The following TENM3 variants were observed in gnomAD, a reference collection of about 807,000 sequenced individuals.
TENM3 encodes the protein teneurin-3.
In TENM3, 63 loss-of-function variants were observed where a neutral mutation model predicts 255.1. That is an observed-to-expected ratio of 0.25 (90% CI 0.20 to 0.30). The LOEUF (loss-of-function observed/expected upper bound fraction) is 0.30, where lower values mean the gene tolerates loss of function less well. Ranked by LOEUF, TENM3 falls within the 10% of genes least tolerant of loss-of-function variation. The pLI, the probability that TENM3 is intolerant of heterozygous loss-of-function variation, is 1.00. For synonymous variants in TENM3, 1,306 were observed against 1,322.3 expected (o/e 0.99, Z 0.27); for missense variants, 2,929 against 3,461.1 (o/e 0.85, Z 3.86).
At chr4:181,767,272 G>A in the TENM3 span, among the ~76,000 whole-genome samples, 411 of 125,850 alleles carry the variant, frequency 3.3e-3, 1 homozygote, top group Middle Eastern at 0.021. Context: ...AAAAAAAAAA[G>A]AAAGAAAACA....
the TENM3 span, among the ~76,000 whole-genome samples, chr4:181,713,734 A>G: frequency 6.6e-6 from 1 of 152,204 alleles, no homozygotes; most frequent in African/African-American, 2.4e-5. Flanking sequence ...TCAGAATTCA[A>G]TTATTCCCTA....
intron 3 of TENM3, among the ~76,000 whole-genome samples, chr4:182,515,255 C>T (rs1737819022): frequency 1.3e-5 from 2 of 152,070 alleles, no homozygotes; most frequent in South Asian, 2.1e-4. Flanking sequence ...ATGTGGGTGA[C>T]AGTCACTAAG....
chr4:182,800,178 G>A lies in TENM3; in HGVS notation c.7927G>A (p.Gly2643Ser), dbSNP rs1463146807. Residue 2643 changes from glycine to serine, a missense_variant, in exon 28 of 28, where the codon GGC (glycine) becomes AGC (serine). Gly to Ser is a moderately conservative substitution (Grantham distance 56, BLOSUM62 0). Transcript: ENST00000511685. ...GCGCGAGCAGCAGCGCGTGCGCGAC[G>A]GCGAGGAGGGCGCGCGCCTCTGGAC... is the stretch of plus-strand genomic sequence containing the variant. ...WAREQQRVRD[G>S]EEGARLWTEG... is the part of the protein sequence containing the mutation. The A allele has an allele frequency of 2.0e-6, 3 of 1,527,576 alleles. No homozygotes were observed. The highest frequency in any genetic ancestry group is 2.6e-6 in the Non-Finnish European group (3 of 1,146,556). The allele number at this position is 1,527,576 out of a possible 1,614,324, so 94.6% of individuals were successfully genotyped here. A position where few individuals can be genotyped will look rare whatever the true frequency, so the allele number is the denominator to read the frequency against.
intron 3 of TENM3, among the ~76,000 whole-genome samples, chr4:182,371,285 T>C (rs1228943770): frequency 6.6e-6 from 1 of 151,468 alleles, no homozygotes; most frequent in African/African-American, 2.4e-5. Flanking sequence ...TTTAATGCAC[T>C]GTTGATGTTG....
chr4:182,384,962 A>C (rs1767810095), intron 3 of TENM3, among the ~76,000 whole-genome samples: 1 of 152,172 alleles, frequency 6.6e-6, no homozygotes, highest in Non-Finnish European at 1.5e-5. Flanking sequence ...GTCTGGCCTC[A>C]GTGCTGGGGA....
chr4:181,801,671 T>TATATATATAC, the TENM3 span, among the ~76,000 whole-genome samples: 1 of 36,390 alleles, frequency 2.7e-5, no homozygotes, highest in Non-Finnish European at 6.8e-5. Context: ...TATATATATA[T>TATATATATAC]ATATATATAT....
chr4:182,653,942 T>C (rs756936242), intron 6 of TENM3, 49 bp downstream of exon 6: 2 of 1,525,920 alleles, frequency 1.3e-6, no homozygotes, highest in African/African-American at 2.8e-5. Context: ...ACATCCCTTT[T>C]CCATAAATTT....
At chr4:181,781,082 T>C in the TENM3 span, among the ~76,000 whole-genome samples, 1 of 152,170 alleles carries the variant, frequency 6.6e-6, no homozygotes, top group Non-Finnish European at 1.5e-5. Flanking sequence ...TACTTTTGGC[T>C]TAGGATTGAC....
chr4:181,514,020 A>G, the TENM3 span, among the ~76,000 whole-genome samples: 2 of 152,210 alleles, frequency 1.3e-5, no homozygotes, highest in African/African-American at 4.8e-5. Context: ...AAAAACATGA[A>G]ATAAAGAAAT....
At chr4:181,599,469 G>A in the TENM3 span, among the ~76,000 whole-genome samples, 2 of 152,152 alleles carry the variant, frequency 1.3e-5, no homozygotes, top group African/African-American at 4.8e-5. Flanking sequence ...CAAATTATTG[G>A]ACAATAAGAG....
intron 19 of TENM3, among the ~76,000 whole-genome samples, chr4:182,750,815 A>T (rs9993744): frequency 0.17 from 25,250 of 152,100 alleles, 2,590 homozygotes; most frequent in Non-Finnish European, 0.23. Flanking sequence ...GATTCCCATC[A>T]TGTTGACGTC....
chr4:182,650,850 C>T (rs1003895477), intron 5 of TENM3, among the ~76,000 whole-genome samples: 12 of 147,200 alleles, frequency 8.2e-5, no homozygotes, highest in African/African-American at 3.0e-4. Flanking sequence ...TCAGTAGAAC[C>T]AGCATCTCAC....
chr4:182,066,779 C>G, the TENM3 span, among the ~76,000 whole-genome samples: 11 of 151,850 alleles, frequency 7.2e-5, no homozygotes, highest in East Asian at 1.9e-4. Context: ...GGCGTGGTGG[C>G]AGGCGCCTGT....
the TENM3 span, among the ~76,000 whole-genome samples, chr4:181,556,144 C>G: frequency 1.3e-5 from 2 of 152,206 alleles, no homozygotes; most frequent in Non-Finnish European, 2.9e-5. Flanking sequence ...GCATTGCCAA[C>G]AAGTTGGTTG....
the TENM3 span, among the ~76,000 whole-genome samples, chr4:181,818,464 C>T: frequency 1.3e-5 from 2 of 152,136 alleles, no homozygotes; most frequent in Non-Finnish European, 2.9e-5. Flanking sequence ...TCTTGCTTCA[C>T]CAATCTACAT....
chr4:181,730,761 A>G, the TENM3 span, among the ~76,000 whole-genome samples: 3 of 152,194 alleles, frequency 2.0e-5, no homozygotes, highest in African/African-American at 7.2e-5. Context: ...CTACATTTTT[A>G]ACGAGTTTCT....
At chr4:182,760,682 T>G (rs1187994110) in intron 22 of TENM3, among the ~76,000 whole-genome samples, 1 of 152,192 alleles carries the variant, frequency 6.6e-6, no homozygotes, top group Non-Finnish European at 1.5e-5. Context: ...TGTAGGTATA[T>G]ATGGGTCTCC....
the TENM3 span, among the ~76,000 whole-genome samples, chr4:181,628,054 T>C: frequency 6.2e-4 from 95 of 152,308 alleles, no homozygotes; most frequent in African/African-American, 1.9e-3. Flanking sequence ...TGGTATCTCA[T>C]TGTGGTTTTG....
chr4:182,583,654 GA>G (rs774159989), intron 3 of TENM3, among the ~76,000 whole-genome samples: 5 of 151,828 alleles, frequency 3.3e-5, no homozygotes, highest in Non-Finnish European at 7.4e-5. Flanking sequence ...TTTGATATAT[GA>G]AAATGACTTG....
Sources: gnomAD v4.1 joint callset for allele counts (sites outside exome capture counted in the v4.1 genomes callset) on GRCh38, gnomAD v4.1.1 for gene constraint, MANE v1.5 for transcripts, NCBI Gene and HGNC (gene_info 2026-07-23, HGNC 2026-07-21) for gene names.